NIPA2: variants seen among roughly 807,000 people sequenced by gnomAD.
NIPA2 encodes the protein magnesium transporter NIPA2.
A neutral mutation model predicts 29.7 loss-of-function variants in NIPA2; 11 were observed. The observed-to-expected ratio is 0.37, with a 90% CI of 0.23 to 0.61. NIPA2 has a LOEUF of 0.61. Ranked by LOEUF, NIPA2 falls within the 20% of genes least tolerant of loss-of-function variation. NIPA2 has a pLI of 0.66. For missense variants in NIPA2, 426 were observed against 437.9 expected (o/e 0.97, Z 0.24); for synonymous variants, 183 against 161.9 (o/e 1.13, Z -0.99).
chr15:22,865,920 TCCCACTGTC>T (rs1281066644), intron 7 of NIPA2, among the ~76,000 whole-genome samples: 1 of 152,152 alleles, frequency 6.6e-6, no homozygotes, highest in African/African-American at 2.4e-5. Flanking sequence ...TCTGTTCTGT[TCCCACTGTC>T]CCTCTTGCCT....
chr15:22,850,353 C>G (rs2057641098), intron 3 of NIPA2, among the ~76,000 whole-genome samples: 1 of 152,052 alleles, frequency 6.6e-6, no homozygotes, highest in South Asian at 2.1e-4. Flanking sequence ...AACTGGCACT[C>G]TGTTCCTTAC....
rs35853443 is a variant in NIPA2 at position 22,848,825 on chromosome 15, CAAAAAAAAA to C, written c.-93-2796_-93-2788del. Among the ~76,000 whole-genome samples, 128 of 66,744 alleles carry C rather than the reference CAAAAAAAAA, an allele frequency of 1.9e-3. 3 individuals are homozygous for C. The highest frequency in any genetic ancestry group is 7.4e-3 in the African/African-American group (117 of 15,800). The allele number at this position is 66,744 out of a possible 152,430, so 43.8% of individuals were successfully genotyped here. On this transcript the variant is annotated intron_variant, in intron 3 of 7. Transcript: ENST00000337451. ...GGGTGACAGAGCAAGACTCTTGTCT[CAAAAAAAAA>C]AAAAAAAAAAAAAAAAAGAATTACT...
chr15:22,865,809 TGA>T (rs2059004897), intron 7 of NIPA2, among the ~76,000 whole-genome samples: 1 of 151,424 alleles, frequency 6.6e-6, no homozygotes, highest in Admixed American at 6.5e-5. Flanking sequence ...AGGGAAAACT[TGA>T]TGAAGAACTC....
Position 22,866,946 on chromosome 15 carries a change from T to C in NIPA2, c.*99T>C. The C allele has an allele frequency of 2.6e-6, 3 of 1,169,166 alleles. No individual in the cohort carries two copies. Among genetic ancestry groups the C allele is most frequent in the Non-Finnish European group, 3.6e-6 (3 of 840,588 alleles). The allele number at this position is 1,169,166 out of a possible 1,614,324, so 72.4% of individuals were successfully genotyped here. The stretch of plus-strand genomic sequence containing the variant: ...AACATTGTCCTCAAATAATGTTCTT[T>C]AAAGGCAATCTTTTTAAAGATTTCA... On this transcript the variant is annotated 3_prime_UTR_variant, in exon 8 of 8. Coordinates refer to ENST00000337451, the MANE Select transcript of NIPA2 (RefSeq NM_030922.7).
At chr15:22,846,902 GT>G (rs369610282) in intron 3 of NIPA2, among the ~76,000 whole-genome samples, 8 of 141,602 alleles carry the variant, frequency 5.6e-5, no homozygotes, top group South Asian at 2.2e-4. Flanking sequence ...TTTTGTTGTT[GT>G]TTTTTTTTTG....
At chr15:22,848,176 T>C (rs533793823) in intron 3 of NIPA2, among the ~76,000 whole-genome samples, 2 of 152,258 alleles carry the variant, frequency 1.3e-5, no homozygotes, top group African/African-American at 2.4e-5. Flanking sequence ...AGGATATACC[T>C]GCCAGGAGGG....
Position 22,851,763 on chromosome 15 carries a change from A to AT in NIPA2, c.33dup (p.Ile12TyrfsTer44), listed in dbSNP as rs1394885955. On this transcript the variant is annotated frameshift_variant, in exon 4 of 8. Coordinates refer to ENST00000337451, the MANE Select transcript of NIPA2 (RefSeq NM_030922.7). LOFTEE classifies it high-confidence loss of function. ...CAGGGGCGTGGAAAATATGACTTCT[A>AT]TATTGGTCTGGGATTGGCTATGAGC... 6.2e-7 allele frequency: 1 copy of AT among 1,613,234 alleles called. No individual in the cohort carries two copies. The highest frequency in any genetic ancestry group is 1.3e-5 in the African/African-American group (1 of 74,842).
intron 6 of NIPA2, among the ~76,000 whole-genome samples, chr15:22,859,762 T>C (rs921973650): frequency 1.1e-4 from 17 of 152,270 alleles, no homozygotes; most frequent in East Asian, 3.9e-4. Flanking sequence ...TGTTTTTTTT[T>C]CCCCAAAAAA....
intron 1 of NIPA2, 40 bp downstream of exon 1, chr15:22,838,961 G>A (rs963661210): frequency 6.6e-6 from 1 of 152,188 alleles, no homozygotes. Context: ...AGCGCGAAGG[G>A]GCTGACTTGG....
chr15:22,840,223 G>C (rs1205554152), intron 2 of NIPA2, among the ~76,000 whole-genome samples: 1 of 151,662 alleles, frequency 6.6e-6, no homozygotes, highest in East Asian at 1.9e-4. Flanking sequence ...CCGGGCCTAA[G>C]CTAACTTAGA....
chr15:22,842,984 C>A (rs940065789), intron 2 of NIPA2, among the ~76,000 whole-genome samples: 1 of 147,192 alleles, frequency 6.8e-6, no homozygotes, highest in Non-Finnish European at 1.5e-5. Flanking sequence ...GCCTGGGCAA[C>A]AGAGTGAGAC....
Position 22,862,898 on chromosome 15 carries a change from CTTTT to C in NIPA2, c.448+2126_448+2129del, listed in dbSNP as rs59317671. ...TAGTTTCTTTCAGTTTGCCTTTATT[CTTTT>C]TTTTTTTTTTTTTTTTGGAGACAGT... On this transcript the variant is annotated intron_variant, in intron 7 of 7. Transcript: ENST00000337451. Among the ~76,000 whole-genome samples, 6 of 110,254 alleles carry C rather than the reference CTTTT, an allele frequency of 5.4e-5. No individual in the cohort carries two copies. In the South Asian group the frequency reaches 9.2e-4, roughly 17 times the overall value. 72.3% of individuals were successfully genotyped at this position (110,254 alleles called of 152,430 possible). A position where few individuals can be genotyped will look rare whatever the true frequency, so the allele number is the denominator to read the frequency against.
chr15:22,858,525 T>TTGTC lies in NIPA2; in HGVS notation c.197-9_197-6dup, dbSNP rs1442826816. 1 of 1,587,294 alleles carries TTGTC rather than the reference T, an allele frequency of 6.3e-7. No homozygotes were observed. Reference sequence around the variant, plus strand: ...CATTCTTACCTGAGTTTTTCTTTTGTTGTCTGTCTCTAAGTGGGAGCTGGT... The same window carrying TTGTC: ...CATTCTTACCTGAGTTTTTCTTTTGTTGTCTGTCTGTCTCTAAGTGGGAGCTGGT... On this transcript the variant is annotated splice_polypyrimidine_tract_variant and intron_variant, in intron 5 of 7. Transcript: ENST00000337451.
At chr15:22,842,083 A>G (rs985363584) in intron 2 of NIPA2, among the ~76,000 whole-genome samples, 7 of 152,152 alleles carry the variant, frequency 4.6e-5, no homozygotes, top group Non-Finnish European at 7.3e-5. Context: ...ACTTTTCCAG[A>G]ATAATGTCTT....
intron 2 of NIPA2, among the ~76,000 whole-genome samples, chr15:22,841,077 G>A (rs1268268988): frequency 6.6e-6 from 1 of 152,090 alleles, no homozygotes; most frequent in Non-Finnish European, 1.5e-5. Context: ...CAGATATTCA[G>A]GATGTACAAC....
At chr15:22,859,827 T>C (rs2058494411) in intron 6 of NIPA2, among the ~76,000 whole-genome samples, 1 of 152,204 alleles carries the variant, frequency 6.6e-6, no homozygotes, top group African/African-American at 2.4e-5. Context: ...CTTAATTTTC[T>C]TTGTAGTATT....
intron 4 of NIPA2, 127 bp downstream of exon 4, chr15:22,851,997 A>G (rs1048926826): frequency 2.3e-5 from 18 of 785,262 alleles, no homozygotes; most frequent in Non-Finnish European, 3.6e-5. Context: ...CAAGAGTTCT[A>G]AATGTTTACA....
rs1445762935 is a variant in NIPA2 at position 22,866,529 on chromosome 15, C to T, written c.765C>T (p.Phe255=). The T allele has an allele frequency of 4.3e-6, 7 of 1,613,808 alleles. No homozygotes were observed. The highest frequency in any genetic ancestry group is 5.9e-6 in the Non-Finnish European group (7 of 1,179,684). ...TTGTGACTCCAATATATTATGTATT[C>T]TTTACAACATCAGTTTTAACTTGTT... ...TSIVTPIYYV[F]FTTSVLTCSA... Residue 255 remains phenylalanine, a synonymous_variant, in exon 8 of 8, where the codon TTC becomes TTT. Coordinates refer to ENST00000337451, the MANE Select transcript of NIPA2 (RefSeq NM_030922.7).
At chr15:22,848,990 T>C (rs17137361) in intron 3 of NIPA2, among the ~76,000 whole-genome samples, 4,079 of 152,280 alleles carry the variant, frequency 0.027, 200 homozygotes, top group East Asian at 0.23. Context: ...TGCAGGAGAC[T>C]GGCTGATAAA....
Sources: allele counts gnomAD v4.1 joint callset (sites outside exome capture counted in the v4.1 genomes callset), GRCh38; gene constraint gnomAD v4.1.1; transcripts MANE v1.5; gene names NCBI Gene and HGNC (gene_info 2026-07-23, HGNC 2026-07-21).